Variants in C3orf49 observed in about 807,000 individuals in gnomAD.
C3orf49 encodes chromosome 3 open reading frame 49, also known as putative uncharacterized protein C3orf49.
C3orf49 carries 27 observed loss-of-function variants against 13.3 expected under a neutral mutation model. The ratio of observed to expected loss-of-function variants is 2.02; its 90% CI spans 1.49 to 2.79. C3orf49 has a LOEUF of 2.79. C3orf49 is among the 30% of genes most tolerant of loss of function. The pLI is 0.00. For missense variants in C3orf49, 242 were observed against 134.2 expected, an observed-to-expected ratio of 1.80 and a Z score of -3.97; for synonymous variants, 87 against 47.6, an observed-to-expected ratio of 1.83 and a Z score of -3.40.
upstream of C3orf49, among the ~76,000 whole-genome samples, chr3:63,816,020 G>A (rs1439527714): frequency 2.0e-5 from 3 of 151,556 alleles, no homozygotes; most frequent in African/African-American, 2.4e-5. Context: ...TCTTGACCTC[G>A]TGATCTGCCT....
chr3:63,846,322 C>T, intron 6 of C3orf49: 2 of 345,296 alleles, frequency 5.8e-6, no homozygotes, highest in South Asian at 4.3e-5. Flanking sequence ...GACTTCAGGG[C>T]CACAGTTCAA....
intron 5 of C3orf49, among the ~76,000 whole-genome samples, chr3:63,836,789 C>T (rs1701642826): frequency 6.6e-6 from 1 of 151,862 alleles, no homozygotes; most frequent in South Asian, 2.1e-4. Context: ...CTCACTCATT[C>T]CAAAAGTTAA....
the C3orf49 span, among the ~76,000 whole-genome samples, chr3:63,804,785 G>A: frequency 1.3e-5 from 2 of 152,274 alleles, no homozygotes; most frequent in South Asian, 4.1e-4. Context: ...TGATCAGTAT[G>A]TCTCCCTATG....
chr3:63,792,749 A>T, the C3orf49 span, among the ~76,000 whole-genome samples: 1 of 152,194 alleles, frequency 6.6e-6, no homozygotes, highest in African/African-American at 2.4e-5. Flanking sequence ...TAGGTAAAAG[A>T]CAACCATTCC....
chr3:63,793,336 C>T, the C3orf49 span, among the ~76,000 whole-genome samples: 1 of 152,152 alleles, frequency 6.6e-6, no homozygotes, highest in Non-Finnish European at 1.5e-5. Flanking sequence ...AGGACAACCG[C>T]TTATCCCACT....
At chr3:63,839,125 G>A (rs1701700054) in intron 5 of C3orf49, among the ~76,000 whole-genome samples, 1 of 152,088 alleles carries the variant, frequency 6.6e-6, no homozygotes, top group South Asian at 2.1e-4. Context: ...GGGGGGCGGA[G>A]GTTGCAGTGA....
chr3:63,841,725 T>C (rs1163040481), intron 5 of C3orf49, among the ~76,000 whole-genome samples: 1 of 152,214 alleles, frequency 6.6e-6, no homozygotes, highest in East Asian at 1.9e-4. Flanking sequence ...CCACCAACAT[T>C]ATTATCTGAA....
chr3:63,811,934 T>TA, the C3orf49 span, among the ~76,000 whole-genome samples: 1,346 of 145,940 alleles, frequency 9.2e-3, 17 homozygotes, highest in African/African-American at 0.028. Context: ...AATTTAAAAT[T>TA]AAAAAAAAAA....
chr3:63,828,635 T>C (rs115281454), intron 3 of C3orf49, among the ~76,000 whole-genome samples: 310 of 152,278 alleles, frequency 2.0e-3, no homozygotes, highest in African/African-American at 7.0e-3. Context: ...GCCCAGACTA[T>C]TTTTCAAAAA....
rs565147418 is a variant in C3orf49 at position 63,828,020 on chromosome 3, C to T, written c.570+295C>T. Among the ~76,000 whole-genome samples, 3 of 152,324 alleles carry T rather than the reference C, an allele frequency of 2.0e-5. No homozygotes were observed. In the South Asian group the frequency reaches 6.2e-4, roughly 32 times the overall value. ...ATATTAGCATTCTGGCCTATCTGTGCATACTATGTGGAGTGGAACTCATTA... is the reference window on the plus strand; with the variant it reads ...ATATTAGCATTCTGGCCTATCTGTGTATACTATGTGGAGTGGAACTCATTA... On this transcript the variant is annotated intron_variant, in intron 3 of 6. Transcript: ENST00000295896.
At chr3:63,839,435 T>A (rs547802104) in intron 5 of C3orf49, among the ~76,000 whole-genome samples, 1 of 152,302 alleles carries the variant, frequency 6.6e-6, no homozygotes, top group Admixed American at 6.5e-5. Context: ...GAATTTAATC[T>A]TCATTTCTCC....
At chr3:63,806,103 G>A in the C3orf49 span, among the ~76,000 whole-genome samples, 36 of 152,290 alleles carry the variant, frequency 2.4e-4, no homozygotes, top group African/African-American at 8.4e-4. Flanking sequence ...GCCAGAGAGT[G>A]AAGTCCCCTG....
At position 63,823,477 on chromosome 3, in the gene C3orf49, T is replaced by C. The variant is rs1463140331; in HGVS notation, c.353T>C (p.Leu118Pro). 1 of 703,016 alleles carries C rather than the reference T, an allele frequency of 1.4e-6. No individual in the cohort carries two copies. The highest frequency in any genetic ancestry group is 1.7e-5 in the African/African-American group (1 of 57,270). 43.5% of individuals were successfully genotyped at this position (703,016 alleles called of 1,614,324 possible). The change falls in exon 2 of 7, where the codon CTG becomes CCG. Residue 118 changes from leucine to proline, a missense_variant. By Grantham distance (98) the Leu-to-Pro change is moderately conservative. Coordinates refer to ENST00000295896, the MANE Select transcript of C3orf49 (RefSeq NM_001355236.2). ...TCCACTGACCATAAAGAAGCCCTCC[T>C]GTCAAACACGCAGAGCCTTCTCCCT... ...EGSTDHKEALLSNTQSLLPRI... is the reference protein window; with the variant it reads ...EGSTDHKEALPSNTQSLLPRI...
At chr3:63,812,263 A>T in the C3orf49 span, among the ~76,000 whole-genome samples, 1 of 152,250 alleles carries the variant, frequency 6.6e-6, no homozygotes, top group Non-Finnish European at 1.5e-5. Context: ...TGCACTAACA[A>T]AAATGATGGC....
At chr3:63,839,672 CA>C in intron 5 of C3orf49, 1 of 1,611,952 alleles carries the variant, frequency 6.2e-7, no homozygotes, top group Middle Eastern at 2.2e-4. Context: ...TCCTGGGACC[CA>C]GAGTTGCACC....
At chr3:63,835,245 T>G (rs1701605473) in intron 5 of C3orf49, 4 of 1,613,298 alleles carry the variant, frequency 2.5e-6, no homozygotes, top group East Asian at 4.5e-5. Context: ...AGAAAAAAAT[T>G]TATACAAATG....
upstream of C3orf49, among the ~76,000 whole-genome samples, chr3:63,815,315 ACTT>A (rs1701311454): frequency 6.6e-6 from 1 of 152,054 alleles, no homozygotes; most frequent in Admixed American, 6.6e-5. Context: ...TCAGTATTTA[ACTT>A]CTTAAATATT....
intron 1 of C3orf49, among the ~76,000 whole-genome samples, chr3:63,820,474 T>C (rs970377959): frequency 6.6e-6 from 1 of 152,148 alleles, no homozygotes; most frequent in African/African-American, 2.4e-5. Context: ...TTGTTAATTA[T>C]GTTCTAGATA....
At chr3:63,781,398 T>C in the C3orf49 span, among the ~76,000 whole-genome samples, 56 of 152,248 alleles carry the variant, frequency 3.7e-4, no homozygotes, top group Non-Finnish European at 6.0e-4. Flanking sequence ...TGTAGCCTTG[T>C]AGCATAGTTT....
Sources: allele counts gnomAD v4.1 joint callset (sites outside exome capture counted in the v4.1 genomes callset), GRCh38; gene constraint gnomAD v4.1.1; transcripts MANE v1.5; gene names NCBI Gene and HGNC (gene_info 2026-07-23, HGNC 2026-07-21).